The following GAS7 variants were observed in gnomAD, a reference collection of about 807,000 sequenced individuals.
GAS7 encodes the protein growth arrest specific 7, also known as growth arrest-specific protein 7.
GAS7 carries 28 observed loss-of-function variants against 71.1 expected under a neutral mutation model. That is an observed-to-expected ratio of 0.39 (90% CI 0.29 to 0.54). The LOEUF is 0.54. Ranked by LOEUF, GAS7 falls within the 20% of genes least tolerant of loss-of-function variation. The pLI is 0.62. For missense variants in GAS7, 436 were observed against 627.8 expected, an observed-to-expected ratio of 0.69 and a Z score of 3.27; for synonymous variants, 258 against 245.8, an observed-to-expected ratio of 1.05 and a Z score of -0.46.
intron 2 of GAS7, among the ~76,000 whole-genome samples, chr17:10,007,625 C>CAAAAAAAAA (rs201254619): frequency 8.4e-4 from 39 of 46,596 alleles, no homozygotes; most frequent in African/African-American, 1.5e-3. Context: ...GATTCTGTCT[C>CAAAAAAAAA]AAAAAAAAAA....
At chr17:10,184,793 T>G (rs2142146967) in intron 1 of GAS7, among the ~76,000 whole-genome samples, 1 of 152,320 alleles carries the variant, frequency 6.6e-6, no homozygotes, top group Non-Finnish European at 1.5e-5. Flanking sequence ...GGCCCTCAGA[T>G]AGCCCAGGTT....
At chr17:10,002,963 C>G (rs2071329890) in intron 2 of GAS7, among the ~76,000 whole-genome samples, 1 of 152,166 alleles carries the variant, frequency 6.6e-6, no homozygotes, top group African/African-American at 2.4e-5. Flanking sequence ...ATTTCTAGTT[C>G]TAGATCCTTG....
intron 1 of GAS7, among the ~76,000 whole-genome samples, chr17:10,023,591 A>G (rs1180938350): frequency 6.6e-6 from 1 of 152,244 alleles, no homozygotes; most frequent in Non-Finnish European, 1.5e-5. Flanking sequence ...CAGACACAAA[A>G]GACCACATAT....
At chr17:9,945,898 C>T (rs768528954) in intron 6 of GAS7, among the ~76,000 whole-genome samples, 19 of 152,076 alleles carry the variant, frequency 1.2e-4, no homozygotes, top group Non-Finnish European at 2.6e-4. Flanking sequence ...ACAGGAGAGT[C>T]GCTTGAACCT....
Position 10,101,392 on chromosome 17 carries a change from C to A in GAS7, c.184-81495G>T, listed in dbSNP as rs879029830. On this transcript the variant is annotated intron_variant, in intron 1 of 13. Coordinates refer to ENST00000432992, the MANE Select transcript of GAS7 (RefSeq NM_201433.2). ...GAGAAAACAAGCATGGCGGAAGCCA[C>A]GGCCATTTTGTTACCTGCTCTCAGG... Among the ~76,000 whole-genome samples, 7 of 152,352 alleles carry A rather than the reference C, an allele frequency of 4.6e-5. No homozygotes were observed. The South Asian group carries it at 1.4e-3, about 32-fold the overall frequency.
At chr17:9,996,609 G>GTA (rs914026099) in intron 2 of GAS7, among the ~76,000 whole-genome samples, 3 of 129,998 alleles carry the variant, frequency 2.3e-5, no homozygotes, top group Admixed American at 7.4e-5. Context: ...GTGTGTGTGT[G>GTA]TATATATACA....
chr17:9,976,346 G>A (rs2070202285), intron 3 of GAS7, among the ~76,000 whole-genome samples: 1 of 152,240 alleles, frequency 6.6e-6, no homozygotes, highest in South Asian at 2.1e-4. Flanking sequence ...GCCTTCCCTG[G>A]AGTCAGGGGT....
chr17:10,019,718 C>T, intron 2 of GAS7, 59 bp downstream of exon 2: 6 of 1,563,752 alleles, frequency 3.8e-6, no homozygotes, highest in Non-Finnish European at 4.4e-6. Context: ...AAACGTGCCC[C>T]TCTAGAGAGC....
chr17:10,075,024 A>AAC (rs1050264326), intron 1 of GAS7, among the ~76,000 whole-genome samples: 1 of 152,114 alleles, frequency 6.6e-6, no homozygotes, highest in South Asian at 2.1e-4. Context: ...TTGTGATTAA[A>AAC]ACACACACAC....
chr17:10,148,755 CAAG>C (rs1411639263), intron 1 of GAS7, among the ~76,000 whole-genome samples: 4 of 149,934 alleles, frequency 2.7e-5, no homozygotes, highest in African/African-American at 9.8e-5. Context: ...ACTAAAAATA[CAAG>C]AATTAGCTGG....
At chr17:10,033,427 T>C (rs2072671316) in intron 1 of GAS7, among the ~76,000 whole-genome samples, 2 of 152,174 alleles carry the variant, frequency 1.3e-5, no homozygotes, top group African/African-American at 2.4e-5. Context: ...TTGGGCACTT[T>C]CTAGACTTCT....
Position 9,929,515 on chromosome 17 carries a change from C to T in GAS7, c.886-2746G>A, listed in dbSNP as rs534101910. Among the ~76,000 whole-genome samples, 406 of 152,298 alleles carry T rather than the reference C, an allele frequency of 2.7e-3. 1 individual carries two copies. The highest frequency in any genetic ancestry group is 0.014 in the Middle Eastern group (4 of 294). On this transcript the variant is annotated intron_variant, in intron 9 of 13. Coordinates refer to ENST00000432992, the MANE Select transcript of GAS7 (RefSeq NM_201433.2). ...TTTGAGACGGAGTCTCACTCTGTCT[C>T]CCAGGCTGGAGTGCAATGGCGCAAT...
rs190487836 is a variant in GAS7, at chr17:9,959,608, G to A, written c.472-353C>T. 9.8e-4 allele frequency: 422 copies of A among 431,168 alleles called. No homozygotes were observed. Among genetic ancestry groups the A allele is most frequent in the Non-Finnish European group, 1.4e-3 (356 of 254,090 alleles). The allele number at this position is 431,168 out of a possible 1,614,324, so 26.7% of individuals were successfully genotyped here. On this transcript the variant is annotated intron_variant, in intron 4 of 13. Coordinates refer to ENST00000432992, the MANE Select transcript of GAS7 (RefSeq NM_201433.2). This position sits in a 1 kb window ranked among gnomAD's most constrained non-coding sequence, Gnocchi z 5.0. ...CGTGCCGCTTGCTGCCTGAAGCCGC[G>A]GAATCCACTGGGGAGAAGAGAGTTA...
rs75366732 is a variant in GAS7 at position 10,114,784 on chromosome 17, C to T, written c.183+83424G>A. 1.6e-4 allele frequency among the ~76,000 whole-genome samples: 25 copies of T among 152,182 alleles called. No homozygotes were observed. In the East Asian group the frequency reaches 4.6e-3, roughly 28 times the overall value. ...CACAGAGATCGCATTTTTCCACACC[C>T]TAGAACTTGTGCCTCTCACTTCCCG... On this transcript the variant is annotated intron_variant, in intron 1 of 13. Coordinates refer to ENST00000432992, the MANE Select transcript of GAS7 (RefSeq NM_201433.2).
At chr17:10,140,076 C>T (rs1045440111) in intron 1 of GAS7, among the ~76,000 whole-genome samples, 4 of 152,180 alleles carry the variant, frequency 2.6e-5, no homozygotes, top group Non-Finnish European at 4.4e-5. Context: ...AGACTTCAAG[C>T]TCCAGCATCA....
intron 11 of GAS7, among the ~76,000 whole-genome samples, chr17:9,924,986 A>G (rs886939159): frequency 1.3e-5 from 2 of 152,246 alleles, no homozygotes; most frequent in African/African-American, 4.8e-5. Flanking sequence ...TTCTTTAAAC[A>G]AAGTGTCAGC....
chr17:10,055,063 C>T (rs1266767793), intron 1 of GAS7, among the ~76,000 whole-genome samples: 11 of 152,144 alleles, frequency 7.2e-5, no homozygotes, highest in African/African-American at 2.7e-4. Context: ...GGCGACACCA[C>T]ACATCAAGCA....
intron 5 of GAS7, among the ~76,000 whole-genome samples, chr17:9,949,761 TTCCC>T (rs1199370245): frequency 8.3e-6 from 1 of 120,600 alleles, no homozygotes; most frequent in South Asian, 2.5e-4. Flanking sequence ...CTCTTTCTCC[TTCCC>T]TTCCTCCCCT....
chr17:10,150,015 T>C (rs959404672), intron 1 of GAS7, among the ~76,000 whole-genome samples: 1 of 152,154 alleles, frequency 6.6e-6, no homozygotes, highest in African/African-American at 2.4e-5. Flanking sequence ...GATGGAAGTG[T>C]TCTGCAGTTA....
Sources: gnomAD v4.1 joint callset for allele counts (sites outside exome capture counted in the v4.1 genomes callset) on GRCh38, gnomAD v4.1.1 for gene constraint, Gnocchi (gnomAD v3.1) non-coding constraint, MANE v1.5 for transcripts, NCBI Gene and HGNC (gene_info 2026-07-23, HGNC 2026-07-21) for gene names.